Variants in NRDE2 observed in about 807,000 individuals in gnomAD.
NRDE2 encodes the protein nuclear exosome regulator NRDE2.
In NRDE2, 76 loss-of-function variants were observed where a neutral mutation model predicts 124.2. The ratio of observed to expected loss-of-function variants is 0.61; its 90% confidence interval spans 0.51 to 0.74. The LOEUF (loss-of-function observed/expected upper bound fraction) is 0.74, where lower values mean the gene tolerates loss of function less well. NRDE2 is among the 30% of genes least tolerant of loss of function. NRDE2 has a pLI of 0.00. For synonymous variants in NRDE2, 489 were observed against 528.1 expected, an observed-to-expected ratio of 0.93 and a Z score of 1.01; for missense variants, 1,314 against 1,417.3, an observed-to-expected ratio of 0.93 and a Z score of 1.17.
At chr14:90,295,933 C>T (rs1884133726) in intron 8 of NRDE2, among the ~76,000 whole-genome samples, 1 of 152,208 alleles carries the variant, frequency 6.6e-6, no homozygotes, top group African/African-American at 2.4e-5. Flanking sequence ...ACACAAGTCT[C>T]TAACTTGATG....
At chr14:90,308,721 A>C (rs1884709039) in intron 4 of NRDE2, among the ~76,000 whole-genome samples, 1 of 152,182 alleles carries the variant, frequency 6.6e-6, no homozygotes, top group Admixed American at 6.5e-5. Context: ...GAACCAGTTC[A>C]AACTACTTCA....
At chr14:90,314,248 G>C (rs566705784) in intron 3 of NRDE2, among the ~76,000 whole-genome samples, 31 of 152,138 alleles carry the variant, frequency 2.0e-4, no homozygotes, top group South Asian at 1.5e-3. Context: ...AGTCTCATAG[G>C]GTCTGCTACC....
intron 8 of NRDE2, among the ~76,000 whole-genome samples, chr14:90,297,296 A>C (rs958004921): frequency 6.6e-6 from 1 of 152,168 alleles, no homozygotes; most frequent in African/African-American, 2.4e-5. Flanking sequence ...TTGGCATCTG[A>C]ATCTCTGGTT....
In NRDE2 at chr14:90,268,182, T is replaced by C; in HGVS notation, c.*10154A>G. On this transcript the variant is annotated 3_prime_UTR_variant, in exon 14 of 14. Transcript: ENST00000354366. ...ACGAGTTTTTAAGTTAAAATGGCAC[T>C]TAAGGTGTCTTTTTTTTTTTTATCT... 6.8e-7 allele frequency: 1 copy of C among 1,475,908 alleles called. No individual in the cohort carries two copies. The highest frequency in any genetic ancestry group is 1.3e-5 in the South Asian group (1 of 77,706). 91.4% of individuals were successfully genotyped at this position (1,475,908 alleles called of 1,614,324 possible). A position where few individuals can be genotyped will look rare whatever the true frequency, so the allele number is the denominator to read the frequency against.
rs1891783037 is a variant in NRDE2, at chr14:90,275,419, A to G, written c.*2917T>C. 1 of 152,148 alleles carries G rather than the reference A, an allele frequency of 6.6e-6. No homozygotes were observed. Among genetic ancestry groups the G allele is most frequent in the African/African-American group, 2.4e-5 (1 of 41,432 alleles). 9.4% of individuals were successfully genotyped at this position (152,148 alleles called of 1,614,324 possible). On this transcript the variant is annotated 3_prime_UTR_variant, in exon 14 of 14. Coordinates refer to ENST00000354366, the MANE Select transcript of NRDE2 (RefSeq NM_017970.4). ...TCCTAAGTTTGAGATTAAAAAAAAC[A>G]AAAAACCCCAGCACATCAGTATTGC...
At chr14:90,303,842 C>T (rs1884496063) in intron 5 of NRDE2, 93 bp downstream of exon 5, 1 of 1,146,650 alleles carries the variant, frequency 8.7e-7, no homozygotes, top group Non-Finnish European at 1.2e-6. Flanking sequence ...GTCAAATTTC[C>T]TCATTTGCTC....
In NRDE2 at chr14:90,268,838, G is replaced by A. The variant is rs896526986; in HGVS notation, c.*9498C>T. On this transcript the variant is annotated 3_prime_UTR_variant, in exon 14 of 14. Transcript: ENST00000354366. The stretch of plus-strand genomic sequence containing the variant: ...GATGGGAGCGTCTTAGTCCATTTGT[G>A]CTGCTAAACAAAATACCTTAGGACT... 1 of 164,064 alleles carries A rather than the reference G, an allele frequency of 6.1e-6. No individual in the cohort carries two copies. Among genetic ancestry groups the A allele is most frequent in the African/African-American group, 2.4e-5 (1 of 41,700 alleles). 10.2% of individuals were successfully genotyped at this position (164,064 alleles called of 1,614,324 possible). A position where few individuals can be genotyped will look rare whatever the true frequency, so the allele number is the denominator to read the frequency against.
chr14:90,298,453 T>C, intron 7 of NRDE2, 73 bp from the exon 8 acceptor site: 1 of 1,412,522 alleles, frequency 7.1e-7, no homozygotes, highest in Non-Finnish European at 1.0e-6. Context: ...AAATCCGCGC[T>C]GGTGGATATA....
intron 4 of NRDE2, among the ~76,000 whole-genome samples, chr14:90,309,759 C>A (rs1205806899): frequency 6.6e-6 from 1 of 152,232 alleles, no homozygotes; most frequent in African/African-American, 2.4e-5. Context: ...CCAGCTCAGA[C>A]TGCCATGGGA....
chr14:90,303,824 T>G, intron 5 of NRDE2, 111 bp downstream of exon 5: 1 of 914,982 alleles, frequency 1.1e-6, no homozygotes, highest in Admixed American at 2.3e-5. Flanking sequence ...AATCTTTGTA[T>G]GCCCAGTGTC....
At chr14:90,295,905 C>G (rs1250931774) in intron 8 of NRDE2, among the ~76,000 whole-genome samples, 1 of 152,126 alleles carries the variant, frequency 6.6e-6, no homozygotes, top group Non-Finnish European at 1.5e-5. Flanking sequence ...GAGAAGCTTG[C>G]AGAGAATGTA....
In NRDE2 at chr14:90,269,347, A is replaced by AGCAG. The variant is rs1891600904; in HGVS notation, c.*8985_*8988dup. ...GAGGTCTTTGCTGTAATTCCCCTTG[A>AGCAG]GCAGGCGATCAGTTGAGTCTTCATT... is the stretch of plus-strand genomic sequence containing the variant. On this transcript the variant is annotated 3_prime_UTR_variant, in exon 14 of 14. Transcript: ENST00000354366. 4.0e-6 allele frequency: 6 copies of AGCAG among 1,515,314 alleles called. No homozygotes were observed. In the Admixed American group the frequency reaches 7.5e-5, roughly 19 times the overall value. 93.9% of individuals were successfully genotyped at this position (1,515,314 alleles called of 1,614,324 possible).
rs1375161640 is a variant in NRDE2 at position 90,288,802 on chromosome 14, G to A, written c.2573C>T (p.Pro858Leu). The change falls in exon 11 of 14, where the codon CCC (proline) becomes CTC (leucine). Residue 858 changes from proline (P) to leucine (L), a missense_variant. Pro to Leu is a moderately conservative substitution (Grantham distance 98). Coordinates refer to ENST00000354366, the MANE Select transcript of NRDE2 (RefSeq NM_017970.4). ...CACCTGTCCAGTGTAGGGCCCATAG[G>A]GGCTGCTCTCAGTCAGCTTGGTTAA... ...HILTKLTESS[P>L]YGPYTGQVLA... The A allele has an allele frequency of 6.2e-7, 1 of 1,614,146 alleles. No individual in the cohort carries two copies. The highest frequency in any genetic ancestry group is 1.1e-5 in the South Asian group (1 of 91,080).
rs1595048033 is a variant in NRDE2 at position 90,272,573 on chromosome 14, T to C, written c.*5763A>G. ...GTGTAAGTGCCCATTGGGTGGCCTG[T>C]TGGTCACTGTGCAGCAGTCTGCTTC... On this transcript the variant is annotated 3_prime_UTR_variant, in exon 14 of 14. Coordinates refer to ENST00000354366, the MANE Select transcript of NRDE2 (RefSeq NM_017970.4). This position sits in a 1 kb window ranked among gnomAD's most constrained non-coding sequence, Gnocchi z 4.5. 3 of 569,206 alleles carry C rather than the reference T, an allele frequency of 5.3e-6. No homozygotes were observed. The allele number at this position is 569,206 out of a possible 1,614,324, so 35.3% of individuals were successfully genotyped here.
At position 90,273,640 on chromosome 14, in the gene NRDE2, T is replaced by TAA. The variant is rs1330700777; in HGVS notation, c.*4694_*4695dup. ...AAGTCCAACACGAGTGTCTCCAGGC[T>TAA]AAAGTCTTGCTGTTGGCAGGACCGT... On this transcript the variant is annotated 3_prime_UTR_variant, in exon 14 of 14. Coordinates refer to ENST00000354366, the MANE Select transcript of NRDE2 (RefSeq NM_017970.4). The TAA allele has an allele frequency of 6.6e-6, 1 of 152,550 alleles. No individual in the cohort carries two copies. Among genetic ancestry groups the TAA allele is most frequent in the African/African-American group, 2.4e-5 (1 of 41,484 alleles). The allele number at this position is 152,550 out of a possible 1,614,324, so 9.4% of individuals were successfully genotyped here.
chr14:90,293,465 GT>G (rs112728239), intron 8 of NRDE2, among the ~76,000 whole-genome samples: 20,274 of 152,170 alleles, frequency 0.13, 1,561 homozygotes, highest in East Asian at 0.21. Flanking sequence ...GGTCAGGCTG[GT>G]TTCGAACTCC....
rs1190539152 is a variant in NRDE2 at position 90,301,379 on chromosome 14, A to G, written c.1412-7T>C. 2 of 1,613,622 alleles carry G rather than the reference A, an allele frequency of 1.2e-6. No homozygotes were observed. The highest frequency in any genetic ancestry group is 2.2e-5 in the South Asian group (2 of 91,060). On this transcript the variant is annotated splice_region_variant and splice_polypyrimidine_tract_variant and intron_variant, in intron 6 of 13. Transcript: ENST00000354366. Reference sequence around the variant, plus strand: ...CACTGCTGAAGAAAGAGTGCTGCGAACAGGAGGGCAAAGGGGAAGAAGCCT... The same window carrying G: ...CACTGCTGAAGAAAGAGTGCTGCGAGCAGGAGGGCAAAGGGGAAGAAGCCT...
chr14:90,303,497 C>T (rs991482185), intron 5 of NRDE2, among the ~76,000 whole-genome samples: 6 of 152,188 alleles, frequency 3.9e-5, no homozygotes, highest in African/African-American at 4.8e-5. Context: ...TACAAGTTTT[C>T]GAAAGAGAAT....
rs770863398 is a variant in NRDE2 at position 90,267,880 on chromosome 14, C to T, written c.*10456G>A. On this transcript the variant is annotated 3_prime_UTR_variant, in exon 14 of 14. Transcript: ENST00000354366. ...CCAGAGAAAAAAATGAGATTTATTT[C>T]ATTACTGGAATGAAGCAATTCTTCG... is the stretch of plus-strand genomic sequence containing the variant. 1 of 195,326 alleles carries T rather than the reference C, an allele frequency of 5.1e-6. No homozygotes were observed. Among genetic ancestry groups the T allele is most frequent in the Non-Finnish European group, 1.0e-5 (1 of 96,402 alleles). The allele number at this position is 195,326 out of a possible 1,614,324, so 12.1% of individuals were successfully genotyped here.
Sources: gnomAD v4.1 joint callset for allele counts (sites outside exome capture counted in the v4.1 genomes callset) on GRCh38, gnomAD v4.1.1 for gene constraint, Gnocchi (gnomAD v3.1) non-coding constraint, MANE v1.5 for transcripts, NCBI Gene and HGNC (gene_info 2026-07-23, HGNC 2026-07-21) for gene names.